Variants in AK3 observed in about 807,000 individuals in gnomAD.
AK3 encodes GTP:AMP phosphotransferase AK3, mitochondrial.
A neutral mutation model predicts 23.7 loss-of-function variants in AK3; 27 were observed. The observed-to-expected ratio is 1.14, with a 90% CI of 0.84 to 1.57. The LOEUF is 1.57. AK3 is among the 40% of genes most tolerant of loss of function. AK3 has a pLI of 0.00. For synonymous variants in AK3, 159 were observed against 116.0 expected, an observed-to-expected ratio of 1.37 and a Z score of -2.38; for missense variants, 406 against 285.6, an observed-to-expected ratio of 1.42 and a Z score of -3.04.
At chr9:4,723,914 A>G (rs902233704) in intron 1 of AK3, among the ~76,000 whole-genome samples, 8 of 152,192 alleles carry the variant, frequency 5.3e-5, no homozygotes, top group African/African-American at 1.9e-4. Flanking sequence ...CAAGGTATAT[A>G]TGAACATTTT....
intron 4 of AK3, among the ~76,000 whole-genome samples, chr9:4,717,936 T>TA (rs1841781441): frequency 6.6e-6 from 1 of 152,234 alleles, no homozygotes; most frequent in African/African-American, 2.4e-5. Context: ...AGAAGTGGAC[T>TA]AGTCAGTGTA....
intron 4 of AK3, among the ~76,000 whole-genome samples, chr9:4,717,095 C>G (rs570309976): frequency 1.1e-4 from 17 of 152,290 alleles, no homozygotes; most frequent in African/African-American, 3.8e-4. Context: ...AACCTTTATT[C>G]TCTTCCCCAA....
chr9:4,737,145 C>T (rs916379031), intron 1 of AK3, among the ~76,000 whole-genome samples: 21 of 151,302 alleles, frequency 1.4e-4, no homozygotes, highest in Non-Finnish European at 2.8e-4. Flanking sequence ...TAGTTCTTTA[C>T]TATATAGTTT....
chr9:4,722,510 C>G lies in AK3; in HGVS notation c.267G>C (p.Leu89Phe). The G allele has an allele frequency of 6.2e-7, 1 of 1,614,098 alleles. No homozygotes were observed. The highest frequency in any genetic ancestry group is 2.2e-5 in the East Asian group (1 of 44,880). Residue 89 changes from leucine (L) to phenylalanine (F), a missense_variant, in exon 2 of 5, where the codon TTG (leucine) becomes TTC (phenylalanine). Physicochemically the swap from Leu to Phe is conservative, Grantham distance 22. Coordinates refer to ENST00000381809, the MANE Select transcript of AK3 (RefSeq NM_016282.4). ...TGCTCATGAGACTCCACTTACCATC[C>G]AACAGCCAGCTATACTGGGTGAGAT... is the stretch of plus-strand genomic sequence containing the variant. ...LKNLTQYSWL[L>F]DGFPRTLPQA...
upstream of AK3, among the ~76,000 whole-genome samples, chr9:4,741,506 G>C (rs1446084440): frequency 6.7e-6 from 1 of 148,556 alleles, no homozygotes; most frequent in Admixed American, 6.7e-5. Flanking sequence ...CTACCTCCGC[G>C]CCTCTCCGCG....
chr9:4,715,078 A>T lies in AK3; in HGVS notation c.564-1982T>A, dbSNP rs142684939. Among the ~76,000 whole-genome samples, 161 of 151,932 alleles carry T rather than the reference A, an allele frequency of 1.1e-3. 2 individuals are homozygous for T. Among genetic ancestry groups the T allele is most frequent in the African/African-American group, 3.7e-3 (152 of 41,476 alleles). ...TACTAAAAATACAAAAATTAGCAGG[A>T]CATGGTGGCACGTGCCTGTAGTCCT... is the stretch of plus-strand genomic sequence containing the variant. On this transcript the variant is annotated intron_variant, in intron 4 of 4. Transcript: ENST00000381809.
Position 4,740,970 on chromosome 9 carries a change from C to A in AK3, c.118G>T (p.Asp40Tyr). The A allele has an allele frequency of 6.3e-7, 1 of 1,584,036 alleles. No homozygotes were observed. Among genetic ancestry groups the A allele is most frequent in the African/African-American group, 1.4e-5 (1 of 71,516 alleles). Residue 40 changes from aspartate to tyrosine, a missense_variant, in exon 1 of 5, where the codon GAC (aspartate) becomes TAC (tyrosine). Asp to Tyr is a radical substitution (Grantham distance 160). Coordinates refer to ENST00000381809, the MANE Select transcript of AK3 (RefSeq NM_016282.4). ...CGCAGCATGTTGTCCCGGAGCAGGT[C>A]CCCGCTGGAGAGGTGCTTCAGCTCG... is the stretch of plus-strand genomic sequence containing the variant. ...HFELKHLSSGDLLRDNMLRGT... is the reference protein window; with the variant it reads ...HFELKHLSSGYLLRDNMLRGT...
In AK3 at chr9:4,741,137, C is replaced by T. The variant is rs1483523403; in HGVS notation, c.-50G>A. 2.2e-6 allele frequency: 3 copies of T among 1,386,966 alleles called. No homozygotes were observed. Among genetic ancestry groups the T allele is most frequent in the South Asian group, 1.6e-5 (1 of 61,034 alleles). The allele number at this position is 1,386,966 out of a possible 1,614,324, so 85.9% of individuals were successfully genotyped here. On this transcript the variant is annotated 5_prime_UTR_variant, in exon 1 of 5. Coordinates refer to ENST00000381809, the MANE Select transcript of AK3 (RefSeq NM_016282.4). ...CGCGGGTACCAGGGCTTTGGCCTGG[C>T]CTGCGCGCTCACCCGCTCGGCAGCC...
intron 1 of AK3, among the ~76,000 whole-genome samples, chr9:4,739,974 C>T (rs973505759): frequency 6.6e-6 from 1 of 151,528 alleles, no homozygotes; most frequent in African/African-American, 2.4e-5. Flanking sequence ...AAACTCTGTT[C>T]CCCTCCGAAG....
chr9:4,712,872 T>A lies in AK3; in HGVS notation c.*104A>T. 7.8e-7 allele frequency: 1 copy of A among 1,286,758 alleles called. No individual in the cohort carries two copies. 79.7% of individuals were successfully genotyped at this position (1,286,758 alleles called of 1,614,324 possible). On this transcript the variant is annotated 3_prime_UTR_variant, in exon 5 of 5. Coordinates refer to ENST00000381809, the MANE Select transcript of AK3 (RefSeq NM_016282.4). ...CAGTAGAAATAAAAGTAATATAATT[T>A]TCAAAGAATTCATACATACTAGAAG... is the stretch of plus-strand genomic sequence containing the variant.
chr9:4,731,740 A>G (rs1172318050), intron 1 of AK3, among the ~76,000 whole-genome samples: 1 of 152,192 alleles, frequency 6.6e-6, no homozygotes, highest in Non-Finnish European at 1.5e-5. Context: ...ATTTAACATT[A>G]CATCTTAACA....
At position 4,741,105 on chromosome 9, in the gene AK3, C is replaced by G. The variant is rs1165533222; in HGVS notation, c.-18G>C. On this transcript the variant is annotated 5_prime_UTR_variant, in exon 1 of 5. Transcript: ENST00000381809. ...GCCCCCATGGCCGCAGACTGAGGCC[C>G]GCACCGCGCGGGTACCAGGGCTTTG... is the stretch of plus-strand genomic sequence containing the variant. 3.3e-6 allele frequency: 5 copies of G among 1,501,496 alleles called. No homozygotes were observed. The highest frequency in any genetic ancestry group is 2.9e-5 in the African/African-American group (2 of 68,870). 93.0% of individuals were successfully genotyped at this position (1,501,496 alleles called of 1,614,324 possible). A position where few individuals can be genotyped will look rare whatever the true frequency, so the allele number is the denominator to read the frequency against.
chr9:4,736,494 C>A (rs1030852450), intron 1 of AK3, among the ~76,000 whole-genome samples: 1 of 150,774 alleles, frequency 6.6e-6, no homozygotes, highest in Non-Finnish European at 1.5e-5. Flanking sequence ...AAAACAACTC[C>A]GCTTTGCCAT....
chr9:4,741,223 G>C (rs542563415), upstream of AK3: 3 of 1,032,932 alleles, frequency 2.9e-6, no homozygotes, highest in South Asian at 2.5e-5. Context: ...GGCGTTCCCG[G>C]AAGTGAGCCG....
chr9:4,719,044 G>GTC, intron 3 of AK3, 91 bp downstream of exon 3: 6 of 1,467,878 alleles, frequency 4.1e-6, no homozygotes, highest in South Asian at 1.2e-5. Flanking sequence ...GTTTTGGTCA[G>GTC]AGGATTTCCA....
At chr9:4,719,049 T>C in intron 3 of AK3, 86 bp downstream of exon 3, 2 of 1,412,662 alleles carry the variant, frequency 1.4e-6, no homozygotes, top group Non-Finnish European at 2.0e-6. Context: ...GGTCAGAGGA[T>C]TTCCAAGTTC....
At chr9:4,739,751 G>A (rs906949361) in intron 1 of AK3, among the ~76,000 whole-genome samples, 1 of 151,956 alleles carries the variant, frequency 6.6e-6, no homozygotes, top group Non-Finnish European at 1.5e-5. Context: ...CTAACACAGT[G>A]AAACCCCATC....
At chr9:4,729,359 C>G (rs1223401132) in intron 1 of AK3, among the ~76,000 whole-genome samples, 1 of 152,068 alleles carries the variant, frequency 6.6e-6, no homozygotes, top group Non-Finnish European at 1.5e-5. Context: ...GTTTCTAGTT[C>G]CAGCTATTCA....
chr9:4,724,449 G>A (rs1265014666), intron 1 of AK3, among the ~76,000 whole-genome samples: 1 of 152,140 alleles, frequency 6.6e-6, no homozygotes, highest in Non-Finnish European at 1.5e-5. Flanking sequence ...ATAGCTGTAA[G>A]AAAAGATTGT....
Sources: gnomAD v4.1 joint callset for allele counts (sites outside exome capture counted in the v4.1 genomes callset) on GRCh38, gnomAD v4.1.1 for gene constraint, MANE v1.5 for transcripts, NCBI Gene and HGNC (gene_info 2026-07-23, HGNC 2026-07-21) for gene names.